Variants in SRGAP1 observed in about 807,000 individuals in gnomAD.
SRGAP1 encodes the protein SLIT-ROBO Rho GTPase activating protein 1.
SRGAP1 carries 43 observed loss-of-function variants against 121.9 expected under a neutral mutation model. The ratio of observed to expected loss-of-function variants is 0.35; its 90% confidence interval spans 0.28 to 0.46. The LOEUF (loss-of-function observed/expected upper bound fraction) is 0.46. Ranked by LOEUF, SRGAP1 falls within the 20% of genes least tolerant of loss-of-function variation. The pLI is 1.00. For missense variants in SRGAP1, 1,102 were observed against 1,350.9 expected (o/e 0.82, Z 2.89); for synonymous variants, 447 against 485.4 (o/e 0.92, Z 1.04).
intron 4 of SRGAP1, among the ~76,000 whole-genome samples, chr12:64,036,050 TC>T (rs1230125793): frequency 1.3e-5 from 2 of 152,206 alleles, no homozygotes; most frequent in African/African-American, 2.4e-5. Context: ...ATCCAGGTCT[TC>T]CTGGTTCCAG....
intron 4 of SRGAP1, chr12:64,032,563 AC>A: frequency 1.0e-6 from 1 of 992,430 alleles, no homozygotes; most frequent in Non-Finnish European, 1.6e-6. Context: ...GACCAGAGCC[AC>A]GGACCTAGCT....
chr12:63,911,953 G>A (rs1189568484), intron 1 of SRGAP1, among the ~76,000 whole-genome samples: 2 of 152,166 alleles, frequency 1.3e-5, no homozygotes, highest in Non-Finnish European at 2.9e-5. Context: ...TTCTCCACCT[G>A]TGGTACATCT....
intron 6 of SRGAP1, among the ~76,000 whole-genome samples, chr12:64,062,515 AT>A (rs1288445223): frequency 2.2e-3 from 321 of 144,446 alleles, no homozygotes; most frequent in East Asian, 1.6e-3. Context: ...GATAGTGTCT[AT>A]TTTTTTTTTT....
chr12:63,944,858 A>G (rs1277897451), intron 1 of SRGAP1, among the ~76,000 whole-genome samples: 1 of 152,206 alleles, frequency 6.6e-6, no homozygotes, highest in Non-Finnish European at 1.5e-5. Flanking sequence ...AGTGAGGCAC[A>G]AAGTGCCCTG....
intron 1 of SRGAP1, among the ~76,000 whole-genome samples, chr12:63,936,236 G>C (rs988965315): frequency 4.6e-5 from 7 of 152,094 alleles, no homozygotes; most frequent in African/African-American, 1.7e-4. Flanking sequence ...GAGGAACTGG[G>C]GCTCAAGCTG....
intron 1 of SRGAP1, among the ~76,000 whole-genome samples, chr12:63,854,539 C>T (rs1011942377): frequency 5.3e-5 from 8 of 151,876 alleles, no homozygotes; most frequent in Non-Finnish European, 8.8e-5. Flanking sequence ...CGTGGGTGCA[C>T]GAGGTTAATT....
At chr12:64,087,847 C>A (rs1312805268) in intron 11 of SRGAP1, among the ~76,000 whole-genome samples, 1 of 152,188 alleles carries the variant, frequency 6.6e-6, no homozygotes, top group Non-Finnish European at 1.5e-5. Context: ...TAACTTTTAA[C>A]ACATACTCCC....
chr12:64,124,566 T>C (rs1350448768), intron 18 of SRGAP1, among the ~76,000 whole-genome samples: 1 of 152,216 alleles, frequency 6.6e-6, no homozygotes, highest in African/African-American at 2.4e-5. Flanking sequence ...CTCACCTTTG[T>C]TGATTACAAG....
At chr12:63,994,933 G>C (rs538362816) in intron 3 of SRGAP1, among the ~76,000 whole-genome samples, 4 of 152,326 alleles carry the variant, frequency 2.6e-5, no homozygotes, top group African/African-American at 9.6e-5. Flanking sequence ...CATATGCTAC[G>C]CATAAAAATG....
chr12:64,152,575 A>G lies in SRGAP1; in HGVS notation c.*9903A>G, dbSNP rs995806714. 1 of 152,238 alleles carries G rather than the reference A, an allele frequency of 6.6e-6. No individual in the cohort carries two copies. The highest frequency in any genetic ancestry group is 2.4e-5 in the African/African-American group (1 of 41,452). 9.4% of individuals were successfully genotyped at this position (152,238 alleles called of 1,614,324 possible). On this transcript the variant is annotated 3_prime_UTR_variant, in exon 22 of 22. Coordinates refer to ENST00000355086, the MANE Select transcript of SRGAP1 (RefSeq NM_020762.4). ...GCCTGCCATTTCAGCCTTCCTGCTC[A>G]CCACCTCCTCTTCGGAACCTTTAGT...
At chr12:64,080,222 G>T in intron 9 of SRGAP1, 64 bp from the exon 10 acceptor site, 1 of 1,398,230 alleles carries the variant, frequency 7.2e-7, no homozygotes, top group Non-Finnish European at 9.7e-7. Context: ...CAGCCTGGGT[G>T]ACAAGAATGA....
intron 1 of SRGAP1, among the ~76,000 whole-genome samples, chr12:63,917,039 G>C (rs1188220919): frequency 2.0e-5 from 3 of 152,110 alleles, no homozygotes; most frequent in Non-Finnish European, 2.9e-5. Context: ...ATTGCATATA[G>C]ATTTCATGTG....
chr12:64,118,050 G>A (rs567002133), intron 18 of SRGAP1, among the ~76,000 whole-genome samples: 1 of 152,250 alleles, frequency 6.6e-6, no homozygotes, highest in East Asian at 1.9e-4. Context: ...GAATAGTGCT[G>A]AAATGAACAT....
At chr12:64,020,777 G>A (rs1192849237) in intron 4 of SRGAP1, among the ~76,000 whole-genome samples, 1 of 149,346 alleles carries the variant, frequency 6.7e-6, no homozygotes, top group Non-Finnish European at 1.5e-5. Context: ...CAAGAGGTGG[G>A]GATTGCAGTG....
chr12:63,973,336 A>G (rs2033009958), intron 1 of SRGAP1, among the ~76,000 whole-genome samples: 1 of 152,230 alleles, frequency 6.6e-6, no homozygotes, highest in African/African-American at 2.4e-5. Flanking sequence ...ACTATGTATA[A>G]TTGCCGAACA....
chr12:64,044,826 A>G (rs2035095676), intron 6 of SRGAP1, among the ~76,000 whole-genome samples: 1 of 151,686 alleles, frequency 6.6e-6, no homozygotes, highest in Non-Finnish European at 1.5e-5. Flanking sequence ...GACTACAGGC[A>G]CATGCTACCA....
intron 4 of SRGAP1, among the ~76,000 whole-genome samples, chr12:64,025,393 T>A (rs1164968462): frequency 1.3e-5 from 2 of 152,158 alleles, no homozygotes; most frequent in African/African-American, 4.8e-5. Context: ...TCGGAAGATT[T>A]TTCTCTGAGC....
In SRGAP1 at chr12:63,903,563, T is replaced by G. The variant is rs570476813; in HGVS notation, c.67+58680T>G. Among the ~76,000 whole-genome samples the G allele has an allele frequency of 1.3e-4, 20 of 150,492 alleles. No individual in the cohort carries two copies. In the East Asian group the frequency reaches 2.4e-3, roughly 18 times the overall value. On this transcript the variant is annotated intron_variant, in intron 1 of 21. Coordinates refer to ENST00000355086, the MANE Select transcript of SRGAP1 (RefSeq NM_020762.4). ...GCCCAGCCTGTTTTTTTGTTTGTTT[T>G]TTTTTTCTTTGAGACAGAGTCTCAC...
intron 4 of SRGAP1, among the ~76,000 whole-genome samples, chr12:64,031,895 G>A (rs930062751): frequency 2.6e-5 from 4 of 152,152 alleles, no homozygotes; most frequent in Non-Finnish European, 4.4e-5. Flanking sequence ...TAATAGATGA[G>A]GGTCAGAAAG....
Sources: allele counts gnomAD v4.1 joint callset (sites outside exome capture counted in the v4.1 genomes callset), GRCh38; gene constraint gnomAD v4.1.1; transcripts MANE v1.5; gene names NCBI Gene and HGNC (gene_info 2026-07-23, HGNC 2026-07-21).